Variants in TMEM200A observed in about 807,000 individuals in gnomAD.
The protein encoded by TMEM200A is transmembrane protein 200A.
In TMEM200A, 12 loss-of-function variants were observed where a neutral mutation model predicts 24.3. The ratio of observed to expected loss-of-function variants is 0.49; its 90% CI spans 0.32 to 0.80. The LOEUF (loss-of-function observed/expected upper bound fraction) is 0.80, where lower values mean the gene tolerates loss of function less well. TMEM200A is among the 30% of genes least tolerant of loss of function. The pLI is 0.04. For synonymous variants in TMEM200A, 224 were observed against 224.4 expected, an observed-to-expected ratio of 1.00 and a Z score of 0.02; for missense variants, 545 against 614.4, an observed-to-expected ratio of 0.89 and a Z score of 1.19.
At chr6:130,436,099 C>T (rs1175150312) in intron 2 of TMEM200A, among the ~76,000 whole-genome samples, 2 of 152,128 alleles carry the variant, frequency 1.3e-5, no homozygotes, top group African/African-American at 2.4e-5. Context: ...AAGAAAACCT[C>T]AAATGAAAGC....
chr6:130,413,290 A>G (rs1375424508), intron 2 of TMEM200A, among the ~76,000 whole-genome samples: 1 of 152,178 alleles, frequency 6.6e-6, no homozygotes, highest in African/African-American at 2.4e-5. Flanking sequence ...AAACTTTGTC[A>G]TTGAGATGCC....
intron 2 of TMEM200A, among the ~76,000 whole-genome samples, chr6:130,422,912 G>A (rs1389017029): frequency 6.6e-6 from 1 of 152,206 alleles, no homozygotes; most frequent in Non-Finnish European, 1.5e-5. Context: ...TATTGTAGAA[G>A]ATAAGATTAA....
intron 2 of TMEM200A, among the ~76,000 whole-genome samples, chr6:130,431,144 T>C (rs1368605560): frequency 6.6e-6 from 1 of 152,146 alleles, no homozygotes; most frequent in African/African-American, 2.4e-5. Context: ...AGAATTGAAA[T>C]TGCTATTGTC....
intron 2 of TMEM200A, among the ~76,000 whole-genome samples, chr6:130,411,379 T>C (rs929493713): frequency 6.6e-6 from 1 of 152,186 alleles, no homozygotes; most frequent in Non-Finnish European, 1.5e-5. Flanking sequence ...TGAAAGTAAC[T>C]TGCTCTCACC....
chr6:130,408,604 G>C (rs780974623), intron 2 of TMEM200A, among the ~76,000 whole-genome samples: 2 of 152,144 alleles, frequency 1.3e-5, no homozygotes, highest in Non-Finnish European at 2.9e-5. Flanking sequence ...TGGCTTGAGT[G>C]TGGGTAGTAG....
intron 2 of TMEM200A, among the ~76,000 whole-genome samples, chr6:130,387,903 G>A (rs1317357611): frequency 6.6e-6 from 1 of 152,104 alleles, no homozygotes; most frequent in African/African-American, 2.4e-5. Context: ...CCTTTTTCAA[G>A]GTAGGAAAGA....
intron 1 of TMEM200A, among the ~76,000 whole-genome samples, chr6:130,372,962 A>G (rs1436288661): frequency 6.6e-6 from 1 of 152,246 alleles, no homozygotes; most frequent in Non-Finnish European, 1.5e-5. Context: ...AAAGAATATT[A>G]GAGGCCTGTG....
intron 1 of TMEM200A, chr6:130,382,889 G>A (rs1030762598): frequency 1.0e-5 from 3 of 285,882 alleles, no homozygotes; most frequent in Admixed American, 6.5e-5. Flanking sequence ...CTAGTGGCAT[G>A]AAGCAGGAAC....
intron 2 of TMEM200A, among the ~76,000 whole-genome samples, chr6:130,410,311 G>A (rs188648266): frequency 6.6e-6 from 1 of 152,196 alleles, no homozygotes; most frequent in African/African-American, 2.4e-5. Flanking sequence ...ACAACTAAAG[G>A]GCCAATGAAA....
At chr6:130,435,598 C>T (rs770565825) in intron 2 of TMEM200A, among the ~76,000 whole-genome samples, 41 of 152,138 alleles carry the variant, frequency 2.7e-4, no homozygotes, top group Non-Finnish European at 5.1e-4. Context: ...TCTTCAATTA[C>T]GATTTCCAAA....
intron 2 of TMEM200A, 48 bp from the exon 3 acceptor site, chr6:130,440,359 C>A: frequency 6.7e-7 from 1 of 1,486,930 alleles, no homozygotes; most frequent in South Asian, 1.5e-5. Context: ...TGCTCATACC[C>A]CAGGAACATA....
At chr6:130,381,030 A>G (rs547643921) in intron 1 of TMEM200A, among the ~76,000 whole-genome samples, 48 of 152,320 alleles carry the variant, frequency 3.2e-4, no homozygotes, top group Admixed American at 6.5e-4. Context: ...TTTAAAATGA[A>G]GTTATCAAAG....
intron 2 of TMEM200A, among the ~76,000 whole-genome samples, chr6:130,398,467 C>A (rs1779004817): frequency 6.6e-6 from 1 of 151,438 alleles, no homozygotes; most frequent in Non-Finnish European, 1.5e-5. Flanking sequence ...ACAATGATTT[C>A]TTTTCCTTTG....
chr6:130,376,241 T>C (rs982971773), intron 1 of TMEM200A, among the ~76,000 whole-genome samples: 1 of 152,214 alleles, frequency 6.6e-6, no homozygotes, highest in Non-Finnish European at 1.5e-5. Flanking sequence ...CAAATTTATT[T>C]GTTATCACAT....
chr6:130,383,011 G>GT lies in TMEM200A; in HGVS notation c.-80-2161dup, dbSNP rs1232032276. 20 of 985,338 alleles carry GT rather than the reference G, an allele frequency of 2.0e-5. No homozygotes were observed. The East Asian group carries it at 1.4e-3, about 67-fold the overall frequency. The allele number at this position is 985,338 out of a possible 1,614,324, so 61.0% of individuals were successfully genotyped here. On this transcript the variant is annotated intron_variant, in intron 1 of 2. Transcript: ENST00000296978. ...CAAACCATCTCACCCAAGGGGCTGT[G>GT]TGAGTTCCTTGAGGCCAGGCATGAT...
rs1583233634 is a variant in TMEM200A at position 130,436,630 on chromosome 6, C to CTTTTTTTTTTTTTTTTTTTTTTTTT, written c.-16-3777_-16-3776insTTTTTTTTTTTTTTTTTTTTTTTTT. On this transcript the variant is annotated intron_variant, in intron 2 of 2. Coordinates refer to ENST00000296978, the MANE Select transcript of TMEM200A (RefSeq NM_001258277.2). The stretch of plus-strand genomic sequence containing the variant: ...TTCACTAGGCTTCGTTTTTCTTTAT[C>CTTTTTTTTTTTTTTTTTTTTTTTTT]CTTTTTTTTTTTTTTTTTTTTTTTT... 2.5e-3 allele frequency among the ~76,000 whole-genome samples: 168 copies of CTTTTTTTTTTTTTTTTTTTTTTTTT among 66,772 alleles called. 69 individuals are homozygous for CTTTTTTTTTTTTTTTTTTTTTTTTT. Among genetic ancestry groups the CTTTTTTTTTTTTTTTTTTTTTTTTT allele is most frequent in the East Asian group, 6.1e-3 (12 of 1,964 alleles). 43.8% of individuals were successfully genotyped at this position (66,772 alleles called of 152,430 possible).
intron 1 of TMEM200A, among the ~76,000 whole-genome samples, chr6:130,381,378 G>A (rs1337445224): frequency 5.3e-5 from 8 of 152,182 alleles, no homozygotes; most frequent in Non-Finnish European, 7.3e-5. Flanking sequence ...AAAAAATATA[G>A]TTTTGTTTTT....
At chr6:130,423,308 T>G (rs532604238) in intron 2 of TMEM200A, among the ~76,000 whole-genome samples, 1 of 152,280 alleles carries the variant, frequency 6.6e-6, no homozygotes, top group Admixed American at 6.5e-5. Context: ...TCCAGCCATG[T>G]GTACATGTGA....
At chr6:130,423,976 G>A (rs1038791650) in intron 2 of TMEM200A, among the ~76,000 whole-genome samples, 17 of 152,240 alleles carry the variant, frequency 1.1e-4, no homozygotes, top group African/African-American at 4.1e-4. Flanking sequence ...ACAGTTGCAA[G>A]TTATCAAAGA....
Sources: gnomAD v4.1 joint callset for allele counts (sites outside exome capture counted in the v4.1 genomes callset) on GRCh38, gnomAD v4.1.1 for gene constraint, MANE v1.5 for transcripts, NCBI Gene and HGNC (gene_info 2026-07-23, HGNC 2026-07-21) for gene names.